Variants in CDH22 observed in about 807,000 individuals in gnomAD.
CDH22 encodes the protein cadherin 22, also known as cadherin-22.
A neutral mutation model predicts 58.4 loss-of-function variants in CDH22; 30 were observed. That is an observed-to-expected ratio of 0.51 (90% CI 0.38 to 0.70). The LOEUF (loss-of-function observed/expected upper bound fraction) is 0.70, where lower values mean the gene tolerates loss of function less well. CDH22 is among the 30% of genes least tolerant of loss of function. The pLI is 0.00. For synonymous variants in CDH22, 513 were observed against 558.2 expected (o/e 0.92, Z 1.14); for missense variants, 1,014 against 1,233.9 (o/e 0.82, Z 2.67).
In CDH22 at chr20:46,277,358, G is replaced by A. The variant is rs543595864; in HGVS notation, c.-399-25665C>T. Among the ~76,000 whole-genome samples, 123 of 152,298 alleles carry A rather than the reference G, an allele frequency of 8.1e-4. 2 individuals are homozygous for A. The South Asian group carries it at 0.024, about 30-fold the overall frequency. On this transcript the variant is annotated intron_variant, in intron 1 of 11. Transcript: ENST00000537909. ...GAGCAGCGGGCCAGGTTGGGAGGGC[G>A]CTGTCACAGCCTCCCTTGTCCTCTC...
rs2086376725 is a variant in CDH22 at position 46,251,567 on chromosome 20, C to G, written c.-273G>C. 1 of 269,876 alleles carries G rather than the reference C, an allele frequency of 3.7e-6. No homozygotes were observed. The highest frequency in any genetic ancestry group is 6.8e-6 in the Non-Finnish European group (1 of 146,088). 16.7% of individuals were successfully genotyped at this position (269,876 alleles called of 1,614,324 possible). A position where few individuals can be genotyped will look rare whatever the true frequency, so the allele number is the denominator to read the frequency against. On this transcript the variant is annotated 5_prime_UTR_variant, in exon 2 of 12. Transcript: ENST00000537909. This position sits in a 1 kb window ranked among gnomAD's most constrained non-coding sequence, Gnocchi z 6.7. ...CGCGCCCCCGTCGCCGCGTCGCGTG[C>G]GGATCACCAGGCAGCACCTGGACAG...
intron 3 of CDH22, among the ~76,000 whole-genome samples, chr20:46,236,058 C>T (rs545668854): frequency 2.0e-4 from 31 of 152,246 alleles, no homozygotes; most frequent in South Asian, 8.3e-4. Flanking sequence ...TCCTCAAACA[C>T]GACAAACATG....
chr20:46,298,590 G>A (rs967889894), intron 1 of CDH22, among the ~76,000 whole-genome samples: 2 of 152,098 alleles, frequency 1.3e-5, no homozygotes, highest in Non-Finnish European at 2.9e-5. Flanking sequence ...AAATGGAGGT[G>A]GGTGGGCTGG....
chr20:46,250,672 G>A (rs888046858), intron 2 of CDH22, among the ~76,000 whole-genome samples: 1 of 152,200 alleles, frequency 6.6e-6, no homozygotes, highest in Admixed American at 6.5e-5. Flanking sequence ...ATAGAATCTG[G>A]GCTAGACCCC....
chr20:46,194,616 GC>G (rs1480752248), intron 8 of CDH22, among the ~76,000 whole-genome samples: 1 of 152,210 alleles, frequency 6.6e-6, no homozygotes, highest in Non-Finnish European at 1.5e-5. Context: ...GTAGGCACCT[GC>G]GCTAGGCACT....
In CDH22 at chr20:46,251,003, T is replaced by A; in HGVS notation, c.255+37A>T. 7.6e-7 allele frequency: 1 copy of A among 1,323,422 alleles called. No homozygotes were observed. Among genetic ancestry groups the A allele is most frequent in the South Asian group, 1.2e-5 (1 of 85,328 alleles). The allele number at this position is 1,323,422 out of a possible 1,614,324, so 82.0% of individuals were successfully genotyped here. ...TATCTACCCGTGGGTGTCCCCAGGG[T>A]CCTGGGATCTGGAGTTGGAGTGGGG... On this transcript the variant is annotated intron_variant, in intron 2 of 11. Transcript: ENST00000537909. This position sits in a 1 kb window ranked among gnomAD's most constrained non-coding sequence, Gnocchi z 6.7.
chr20:46,237,369 C>T (rs192773058), intron 3 of CDH22, among the ~76,000 whole-genome samples: 7 of 152,258 alleles, frequency 4.6e-5, no homozygotes, highest in East Asian at 1.9e-4. Flanking sequence ...AATTTGCAAG[C>T]GCTGCTGCCT....
intron 1 of CDH22, among the ~76,000 whole-genome samples, chr20:46,290,017 G>A (rs2086593629): frequency 6.6e-6 from 1 of 152,316 alleles, no homozygotes; most frequent in South Asian, 2.1e-4. Context: ...ACAGGTTGAA[G>A]CTTTGGATTT....
chr20:46,178,136 G>A lies in CDH22; in HGVS notation c.1725C>T (p.Phe575=), dbSNP rs1205601202. The stretch of plus-strand genomic sequence containing the variant: ...TGTCTACCACCAGGATGGGCAGGAA[G>A]AACACGTCCTGCTCCTGCCGGTTGA... ...VGFNRQEQDV[F]FLPILVVDSG... The change falls in exon 11 of 12, where the codon TTC becomes TTT. Residue 575 remains phenylalanine (F), a synonymous_variant. Coordinates refer to ENST00000537909, the MANE Select transcript of CDH22 (RefSeq NM_021248.3). 1.2e-6 allele frequency: 2 copies of A among 1,613,950 alleles called. No individual in the cohort carries two copies. Among genetic ancestry groups the A allele is most frequent in the East Asian group, 2.2e-5 (1 of 44,900 alleles).
intron 7 of CDH22, among the ~76,000 whole-genome samples, chr20:46,204,703 A>C (rs935825633): frequency 6.6e-6 from 1 of 151,966 alleles, no homozygotes; most frequent in Non-Finnish European, 1.5e-5. Context: ...TCAGAGCCGG[A>C]GGTCTAACAG....
chr20:46,174,222 A>G lies in CDH22; in HGVS notation c.*284T>C. The G allele has an allele frequency of 2.3e-6, 1 of 441,190 alleles. No homozygotes were observed. 27.3% of individuals were successfully genotyped at this position (441,190 alleles called of 1,614,324 possible). A position where few individuals can be genotyped will look rare whatever the true frequency, so the allele number is the denominator to read the frequency against. ...TGACCCGCCCCTTCCCGACTCTGCAACGCCACCCCCATCTCCCATTCTAAC... is the reference window on the plus strand; with the variant it reads ...TGACCCGCCCCTTCCCGACTCTGCAGCGCCACCCCCATCTCCCATTCTAAC... On this transcript the variant is annotated 3_prime_UTR_variant, in exon 12 of 12. Transcript: ENST00000537909. This position sits in a 1 kb window ranked among gnomAD's most constrained non-coding sequence, Gnocchi z 4.4.
intron 1 of CDH22, among the ~76,000 whole-genome samples, chr20:46,288,876 T>TA (rs2086587648): frequency 6.6e-6 from 1 of 152,246 alleles, no homozygotes; most frequent in Non-Finnish European, 1.5e-5. Context: ...AACAGCCTCC[T>TA]AACTGGTATC....
intron 1 of CDH22, among the ~76,000 whole-genome samples, chr20:46,284,609 C>A (rs960990391): frequency 6.6e-6 from 1 of 152,202 alleles, no homozygotes; most frequent in African/African-American, 2.4e-5. Flanking sequence ...TTGTTTTCAA[C>A]TGTCACCTGT....
At chr20:46,207,107 A>G (rs2145682482) in intron 7 of CDH22, among the ~76,000 whole-genome samples, 1 of 152,188 alleles carries the variant, frequency 6.6e-6, no homozygotes. Flanking sequence ...ATGGAGGAGG[A>G]GCTGGGTAAA....
chr20:46,241,475 G>T lies in CDH22; in HGVS notation c.256-218C>A, dbSNP rs2086289832. ...GGGGCCCTCCCTGCCCCTGGACTCT[G>T]CTTTCCCCTCTGCATTCAGAGCTAT... On this transcript the variant is annotated intron_variant, in intron 2 of 11. Coordinates refer to ENST00000537909, the MANE Select transcript of CDH22 (RefSeq NM_021248.3). The surrounding 1 kb of genome is among the most constrained non-coding windows in gnomAD (Gnocchi z 5.2). Among the ~76,000 whole-genome samples the T allele has an allele frequency of 6.6e-6, 1 of 152,154 alleles. No individual in the cohort carries two copies. The highest frequency in any genetic ancestry group is 1.5e-5 in the Non-Finnish European group (1 of 68,022).
At chr20:46,262,478 T>C (rs1383542366) in intron 1 of CDH22, among the ~76,000 whole-genome samples, 1 of 152,006 alleles carries the variant, frequency 6.6e-6, no homozygotes, top group African/African-American at 2.4e-5. Context: ...GTCTGGATGG[T>C]TTTCCTGTTC....
At chr20:46,284,652 G>T (rs1191769478) in intron 1 of CDH22, among the ~76,000 whole-genome samples, 1 of 152,150 alleles carries the variant, frequency 6.6e-6, no homozygotes, top group South Asian at 2.1e-4. Context: ...TGGTCCAGTG[G>T]CTCAGTATTT....
In CDH22 at chr20:46,201,878, G is replaced by A. The variant is rs144084795; in HGVS notation, c.1287-2319C>T. ...CTCCCTAGCATGCACCTAACAGTTT[G>A]GAGCCTGCTTCTCCCCCAACCATCC... On this transcript the variant is annotated intron_variant, in intron 7 of 11. Transcript: ENST00000537909. 3.3e-3 allele frequency among the ~76,000 whole-genome samples: 496 copies of A among 152,254 alleles called. 7 individuals are homozygous for A. The highest frequency in any genetic ancestry group is 0.011 in the African/African-American group (457 of 41,518).
rs1167093195 is a variant in CDH22 at position 46,241,997 on chromosome 20, T to C, written c.256-740A>G. Among the ~76,000 whole-genome samples, 1 of 151,874 alleles carries C rather than the reference T, an allele frequency of 6.6e-6. No homozygotes were observed. Among genetic ancestry groups the C allele is most frequent in the African/African-American group, 2.4e-5 (1 of 41,340 alleles). ...TCCCTAGACTCTGCACCCCAGGAGA[T>C]TGGGGTGGCATCTTCCTCATTTTGG... On this transcript the variant is annotated intron_variant, in intron 2 of 11. Coordinates refer to ENST00000537909, the MANE Select transcript of CDH22 (RefSeq NM_021248.3). The surrounding 1 kb of genome is among the most constrained non-coding windows in gnomAD (Gnocchi z 5.2).
Sources: gnomAD v4.1 joint callset for allele counts (sites outside exome capture counted in the v4.1 genomes callset) on GRCh38, gnomAD v4.1.1 for gene constraint, Gnocchi (gnomAD v3.1) non-coding constraint, MANE v1.5 for transcripts, NCBI Gene and HGNC (gene_info 2026-07-23, HGNC 2026-07-21) for gene names.